PKP4: variants seen among roughly 807,000 people sequenced by gnomAD.
PKP4 encodes the protein plakophilin 4.
A neutral mutation model predicts 145.1 loss-of-function variants in PKP4; 90 were observed. The ratio of observed to expected loss-of-function variants is 0.62; its 90% CI spans 0.52 to 0.74. The LOEUF (loss-of-function observed/expected upper bound fraction) is 0.74. Ranked by LOEUF, PKP4 falls within the 30% of genes least tolerant of loss-of-function variation. The probability of loss-of-function intolerance (pLI) is 0.00; values close to 1 mark genes in which losing one functional copy is unlikely to be tolerated. For synonymous variants in PKP4, 563 were observed against 577.2 expected, an observed-to-expected ratio of 0.98 and a Z score of 0.35; for missense variants, 1,340 against 1,482.7, an observed-to-expected ratio of 0.90 and a Z score of 1.58.
At chr2:158,601,924 C>G (rs1243504969) in intron 3 of PKP4, among the ~76,000 whole-genome samples, 1 of 152,108 alleles carries the variant, frequency 6.6e-6, no homozygotes, top group Non-Finnish European at 1.5e-5. Flanking sequence ...ACTCCAAGTG[C>G]TTTATTTGGC....
intron 2 of PKP4, among the ~76,000 whole-genome samples, chr2:158,576,877 C>T (rs1006850677): frequency 6.6e-6 from 1 of 151,918 alleles, no homozygotes; most frequent in Non-Finnish European, 1.5e-5. Context: ...TTAAACTATG[C>T]TGACATATAG....
In PKP4 at chr2:158,673,713, C is replaced by T. The variant is rs770640924; in HGVS notation, c.2961C>T (p.Val987=). 14 of 1,613,186 alleles carry T rather than the reference C, an allele frequency of 8.7e-6. No individual in the cohort carries two copies. The highest frequency in any genetic ancestry group is 1.2e-5 in the Non-Finnish European group (14 of 1,179,590). ...SLKVVKAAAQ[V]LNTLWQYRDL... ...AAGTGGTGAAGGCAGCAGCCCAGGT[C>T]TTGAATACATTATGGCAATATCGGG... The change falls in exon 18 of 22, where the codon GTC becomes GTT. Residue 987 remains valine, a synonymous_variant. Coordinates refer to ENST00000389759, the MANE Select transcript of PKP4 (RefSeq NM_003628.6).
At chr2:158,534,923 A>G (rs749604346) in intron 2 of PKP4, among the ~76,000 whole-genome samples, 1 of 152,214 alleles carries the variant, frequency 6.6e-6, no homozygotes, top group African/African-American at 2.4e-5. Flanking sequence ...TCATTAAAAC[A>G]GTTATTATAT....
chr2:158,542,442 A>G (rs186047777), intron 2 of PKP4, among the ~76,000 whole-genome samples: 162 of 152,330 alleles, frequency 1.1e-3, no homozygotes, highest in Admixed American at 1.7e-3. Context: ...TTGTGTATTT[A>G]TGGGTACTGA....
intron 11 of PKP4, among the ~76,000 whole-genome samples, chr2:158,652,461 A>G (rs1390026098): frequency 6.6e-6 from 1 of 152,198 alleles, no homozygotes; most frequent in African/African-American, 2.4e-5. Context: ...ATAAAAACCC[A>G]TTGGGCTAAG....
intron 1 of PKP4, among the ~76,000 whole-genome samples, chr2:158,519,739 G>A (rs1312913551): frequency 6.6e-6 from 1 of 152,114 alleles, no homozygotes; most frequent in Non-Finnish European, 1.5e-5. Context: ...TTAAAAATGA[G>A]AAAATGCCTT....
chr2:158,488,492 T>G (rs186547327), intron 1 of PKP4, among the ~76,000 whole-genome samples: 1 of 152,142 alleles, frequency 6.6e-6, no homozygotes, highest in African/African-American at 2.4e-5. Flanking sequence ...CTCTAAATAA[T>G]GTGGGGAAGC....
intron 1 of PKP4, among the ~76,000 whole-genome samples, chr2:158,501,344 A>G (rs1022659457): frequency 6.6e-6 from 1 of 152,194 alleles, no homozygotes; most frequent in African/African-American, 2.4e-5. Context: ...ATCCACTGAC[A>G]TCATTTAAAA....
chr2:158,669,249 G>A (rs2057363996), intron 16 of PKP4: 1 of 152,478 alleles, frequency 6.6e-6, no homozygotes, highest in Non-Finnish European at 1.5e-5. Flanking sequence ...TTAAGATCCA[G>A]AAAGATCTAA....
In PKP4 at chr2:158,666,618, GAA is replaced by G. The variant is rs370011978; in HGVS notation, c.2728+57_2728+58del. ...ATGTGAGAGCAGCTACAAAATTCATGAAACTCTTCTTTTGATTAATAAATATA... is the reference window on the plus strand; with the variant it reads ...ATGTGAGAGCAGCTACAAAATTCATGACTCTTCTTTTGATTAATAAATATA... On this transcript the variant is annotated intron_variant, in intron 16 of 21. Transcript: ENST00000389759. The G allele has an allele frequency of 4.4e-3, 6,375 of 1,440,610 alleles. 49 individuals are homozygous for G. Among genetic ancestry groups the G allele is most frequent in the South Asian group, 0.013 (956 of 75,390 alleles). 89.2% of individuals were successfully genotyped at this position (1,440,610 alleles called of 1,614,324 possible).
chr2:158,617,510 T>C (rs2051758519), intron 4 of PKP4, among the ~76,000 whole-genome samples: 1 of 152,224 alleles, frequency 6.6e-6, no homozygotes. Context: ...ATTTGCACAC[T>C]ATATACCTCT....
At chr2:158,516,203 G>A (rs2041930273) in intron 1 of PKP4, among the ~76,000 whole-genome samples, 1 of 152,052 alleles carries the variant, frequency 6.6e-6, no homozygotes, top group Non-Finnish European at 1.5e-5. Flanking sequence ...ACAAAACACT[G>A]GGGATCTGAC....
intron 15 of PKP4, 39 bp from the exon 16 acceptor site, chr2:158,666,374 T>C: frequency 6.6e-7 from 1 of 1,505,378 alleles, no homozygotes; most frequent in Non-Finnish European, 8.9e-7. Context: ...AGACTGGAAC[T>C]CTGTTTTATG....
chr2:158,673,092 G>C (rs180829571), intron 17 of PKP4, among the ~76,000 whole-genome samples: 2 of 152,146 alleles, frequency 1.3e-5, no homozygotes, highest in African/African-American at 4.8e-5. Context: ...CCAGTGACTC[G>C]GAATCCAGTT....
At chr2:158,459,455 A>G (rs2105368884) in intron 1 of PKP4, among the ~76,000 whole-genome samples, 1 of 152,292 alleles carries the variant, frequency 6.6e-6, no homozygotes, top group Non-Finnish European at 1.5e-5. Context: ...GCCTTTAGTT[A>G]AGGACTCAAC....
chr2:158,625,501 A>G (rs1371028736), intron 7 of PKP4, 74 bp downstream of exon 7: 8 of 1,259,542 alleles, frequency 6.4e-6, no homozygotes, highest in Admixed American at 2.3e-5. Context: ...GAAACAAAGA[A>G]TGAAAAGGTG....
intron 2 of PKP4, among the ~76,000 whole-genome samples, chr2:158,555,944 G>A (rs1302609045): frequency 6.6e-6 from 1 of 152,148 alleles, no homozygotes; most frequent in Admixed American, 6.5e-5. Context: ...GGTCACTGCT[G>A]ATCTAACTCA....
chr2:158,642,436 T>TTA (rs1408054520), intron 10 of PKP4, 50 bp from the exon 11 acceptor site: 1 of 1,341,922 alleles, frequency 7.5e-7, no homozygotes, highest in South Asian at 1.3e-5. Context: ...GTATGATCAC[T>TTA]GATTAATTGC....
intron 1 of PKP4, among the ~76,000 whole-genome samples, chr2:158,531,342 T>A (rs2043527433): frequency 6.6e-6 from 1 of 152,192 alleles, no homozygotes; most frequent in Admixed American, 6.5e-5. Flanking sequence ...TTTAAAATTT[T>A]TGGTTCTTGG....
Sources: allele counts gnomAD v4.1 joint callset (sites outside exome capture counted in the v4.1 genomes callset), GRCh38; gene constraint gnomAD v4.1.1; transcripts MANE v1.5; gene names NCBI Gene and HGNC (gene_info 2026-07-23, HGNC 2026-07-21).